The following CCDC148 variants were observed in gnomAD, a reference collection of about 807,000 sequenced individuals.
CCDC148 encodes coiled-coil domain containing 148.
Under a neutral mutation model 85.7 loss-of-function variants are expected in CCDC148, and 89 were observed. That is an observed-to-expected ratio of 1.04 (90% CI 0.87 to 1.24). The LOEUF (loss-of-function observed/expected upper bound fraction) is 1.24. Ranked by LOEUF, CCDC148 falls within the 50% of genes most tolerant of loss-of-function variation. The pLI, the probability that CCDC148 is intolerant of heterozygous loss-of-function variation, is 0.00. For missense variants in CCDC148, 692 were observed against 671.7 expected, an observed-to-expected ratio of 1.03 and a Z score of -0.33; for synonymous variants, 230 against 213.9, an observed-to-expected ratio of 1.08 and a Z score of -0.66.
intron 3 of CCDC148, among the ~76,000 whole-genome samples, chr2:158,343,417 C>T (rs943697762): frequency 4.6e-5 from 7 of 152,106 alleles, no homozygotes; most frequent in African/African-American, 9.7e-5. Flanking sequence ...AGAGCAATAA[C>T]GACTACTTTG....
chr2:158,209,096 A>ATG (rs572534836), intron 11 of CCDC148, among the ~76,000 whole-genome samples: 77 of 139,664 alleles, frequency 5.5e-4, no homozygotes, highest in African/African-American at 1.9e-3. Context: ...ATGTGTATGT[A>ATG]TGTATATATA....
At chr2:158,205,439 C>A (rs150398390) in intron 11 of CCDC148, among the ~76,000 whole-genome samples, 123 of 152,194 alleles carry the variant, frequency 8.1e-4, no homozygotes, top group African/African-American at 2.7e-3. Flanking sequence ...AGACAGCTGG[C>A]TAAACATTGT....
intron 7 of CCDC148, among the ~76,000 whole-genome samples, chr2:158,331,115 A>G (rs956797779): frequency 3.9e-5 from 6 of 152,072 alleles, no homozygotes; most frequent in Non-Finnish European, 8.8e-5. Context: ...TGCCAATTTT[A>G]GATCTTTCCT....
intron 9 of CCDC148, among the ~76,000 whole-genome samples, chr2:158,278,965 G>A (rs897334492): frequency 6.6e-6 from 1 of 152,156 alleles, no homozygotes; most frequent in Non-Finnish European, 1.5e-5. Context: ...AGCATTCATG[G>A]CTCACGAAAA....
intron 10 of CCDC148, among the ~76,000 whole-genome samples, chr2:158,231,374 T>A (rs1687850548): frequency 1.3e-5 from 2 of 152,170 alleles, no homozygotes; most frequent in African/African-American, 2.4e-5. Context: ...AGTAGCTCCA[T>A]CCATGGCACA....
intron 2 of CCDC148, among the ~76,000 whole-genome samples, chr2:158,352,390 T>C (rs1208286258): frequency 1.3e-5 from 2 of 152,138 alleles, no homozygotes; most frequent in African/African-American, 2.4e-5. Flanking sequence ...AAGGAGGTGA[T>C]GGAGCTGAAA....
intron 13 of CCDC148, among the ~76,000 whole-genome samples, chr2:158,173,414 T>G (rs145747504): frequency 8.5e-5 from 13 of 152,182 alleles, no homozygotes; most frequent in African/African-American, 3.1e-4. Context: ...TTCTAGTTTT[T>G]GCATAAAAAT....
rs1485985795 is a variant in CCDC148, at chr2:158,309,696, C to A, written c.904-57G>T. On this transcript the variant is annotated intron_variant, in intron 8 of 13. Transcript: ENST00000283233. Reference sequence around the variant, plus strand: ...ATTATGAAAATGAGCTTACATTTTGCATCATTGTTACAAAAATGAAAAGAA... The same window carrying A: ...ATTATGAAAATGAGCTTACATTTTGAATCATTGTTACAAAAATGAAAAGAA... The A allele has an allele frequency of 2.3e-5, 27 of 1,172,100 alleles. No individual in the cohort carries two copies. In the East Asian group the frequency reaches 6.2e-4, roughly 27 times the overall value. 72.6% of individuals were successfully genotyped at this position (1,172,100 alleles called of 1,614,324 possible).
Position 158,436,775 on chromosome 2 carries a change from T to C in CCDC148, c.25+19640A>G, listed in dbSNP as rs181028427. ...AGAGAGAAGAATCAAATAGACACAATAAAAAATGATAAAGGGGATATCACC... is the reference window on the plus strand; with the variant it reads ...AGAGAGAAGAATCAAATAGACACAACAAAAAATGATAAAGGGGATATCACC... On this transcript the variant is annotated intron_variant, in intron 1 of 13. Transcript: ENST00000283233. Among the ~76,000 whole-genome samples, 517 of 151,944 alleles carry C rather than the reference T, an allele frequency of 3.4e-3. 2 individuals are homozygous for C. The highest frequency in any genetic ancestry group is 0.01 in the Middle Eastern group (3 of 294).
At chr2:158,301,057 C>A (rs957005108) in intron 9 of CCDC148, among the ~76,000 whole-genome samples, 1 of 152,056 alleles carries the variant, frequency 6.6e-6, no homozygotes, top group East Asian at 1.9e-4. Flanking sequence ...CAGGGTCTTG[C>A]TATGTTGCCC....
At chr2:158,412,005 T>C (rs1686281677) in intron 1 of CCDC148, among the ~76,000 whole-genome samples, 1 of 152,148 alleles carries the variant, frequency 6.6e-6, no homozygotes, top group African/African-American at 2.4e-5. Context: ...GAGGCAGTTC[T>C]GGCTTGGGGT....
intron 11 of CCDC148, among the ~76,000 whole-genome samples, chr2:158,217,589 A>G (rs897968948): frequency 6.6e-6 from 1 of 151,950 alleles, no homozygotes; most frequent in African/African-American, 2.4e-5. Context: ...CTTTTTTAGT[A>G]GAGACAGGGT....
At chr2:158,375,640 T>C (rs1684619396) in intron 1 of CCDC148, among the ~76,000 whole-genome samples, 1 of 152,124 alleles carries the variant, frequency 6.6e-6, no homozygotes, top group African/African-American at 2.4e-5. Flanking sequence ...GGGTAAAATA[T>C]TGGCTTTCCT....
At chr2:158,421,735 G>C (rs1330842672) in intron 1 of CCDC148, among the ~76,000 whole-genome samples, 1 of 152,006 alleles carries the variant, frequency 6.6e-6, no homozygotes, top group Non-Finnish European at 1.5e-5. Flanking sequence ...AAATAACTAA[G>C]ATCAGAGCAG....
chr2:158,325,659 C>T (rs1192284561), intron 7 of CCDC148, among the ~76,000 whole-genome samples: 1 of 152,170 alleles, frequency 6.6e-6, no homozygotes, highest in Non-Finnish European at 1.5e-5. Flanking sequence ...GGCATCTCAA[C>T]CTCATCGTGT....
At chr2:158,279,088 C>G (rs1574531339) in intron 9 of CCDC148, among the ~76,000 whole-genome samples, 1 of 152,204 alleles carries the variant, frequency 6.6e-6, no homozygotes, top group Non-Finnish European at 1.5e-5. Context: ...AGAAGGAAAA[C>G]TAACAAACAG....
chr2:158,328,108 GC>G (rs1692880611), intron 7 of CCDC148, among the ~76,000 whole-genome samples: 1 of 151,886 alleles, frequency 6.6e-6, no homozygotes, highest in Non-Finnish European at 1.5e-5. Context: ...TTGGTGTACT[GC>G]ACCCAACAAC....
At chr2:158,347,106 GTTCACT>G (rs1351878393) in intron 2 of CCDC148, among the ~76,000 whole-genome samples, 1 of 152,030 alleles carries the variant, frequency 6.6e-6, no homozygotes, top group African/African-American at 2.4e-5. Context: ...ACACTTTAAC[GTTCACT>G]TTAAGAATGC....
intron 10 of CCDC148, 119 bp from the exon 11 acceptor site, chr2:158,220,832 T>G (rs890096439): frequency 1.4e-6 from 1 of 717,414 alleles, no homozygotes; most frequent in African/African-American, 1.9e-5. Flanking sequence ...GCACTTCATC[T>G]TTTTTGTTTC....
Sources: allele counts gnomAD v4.1 joint callset (sites outside exome capture counted in the v4.1 genomes callset), GRCh38; gene constraint gnomAD v4.1.1; transcripts MANE v1.5; gene names NCBI Gene and HGNC (gene_info 2026-07-23, HGNC 2026-07-21).